Variants in SDK1 observed in about 807,000 individuals in gnomAD.
SDK1 encodes the protein protein sidekick-1.
SDK1 carries 157 observed loss-of-function variants against 245.5 expected under a neutral mutation model. The ratio of observed to expected loss-of-function variants is 0.64; its 90% CI spans 0.56 to 0.73. SDK1 has a LOEUF of 0.73. SDK1 is among the 30% of genes least tolerant of loss of function. The pLI is 0.00. For missense variants in SDK1, 3,583 were observed against 3,002.3 expected (o/e 1.19, Z -4.52); for synonymous variants, 1,647 against 1,278.5 (o/e 1.29, Z -6.15).
intron 5 of SDK1, among the ~76,000 whole-genome samples, chr7:3,827,569 C>G (rs79445769): frequency 6.6e-6 from 1 of 152,188 alleles, no homozygotes; most frequent in East Asian, 1.9e-4. Context: ...GTCTACAAAA[C>G]GAGGTGGGAC....
intron 40 of SDK1, among the ~76,000 whole-genome samples, chr7:4,229,559 T>C (rs1785623230): frequency 6.6e-6 from 1 of 152,144 alleles, no homozygotes; most frequent in Non-Finnish European, 1.5e-5. Flanking sequence ...CTTTAGGTGA[T>C]GGTACAGGAA....
intron 1 of SDK1, among the ~76,000 whole-genome samples, chr7:3,335,445 G>A (rs1211072817): frequency 6.7e-6 from 1 of 149,158 alleles, no homozygotes; most frequent in Admixed American, 6.7e-5. Context: ...CTGTTCCCCA[G>A]TAGACTATAA....
intron 1 of SDK1, among the ~76,000 whole-genome samples, chr7:3,540,051 A>C (rs371860605): frequency 1.3e-5 from 2 of 152,240 alleles, no homozygotes; most frequent in African/African-American, 4.8e-5. Context: ...AGTCACAAAA[A>C]AAACACATAT....
intron 5 of SDK1, among the ~76,000 whole-genome samples, chr7:3,846,071 AC>A (rs1209611446): frequency 1.3e-5 from 2 of 152,188 alleles, no homozygotes; most frequent in Non-Finnish European, 2.9e-5. Flanking sequence ...ACTTGCACAT[AC>A]CAGAAGGAAA....
intron 22 of SDK1, among the ~76,000 whole-genome samples, chr7:4,110,003 A>T (rs1783233290): frequency 6.6e-6 from 1 of 152,092 alleles, no homozygotes; most frequent in Non-Finnish European, 1.5e-5. Flanking sequence ...TCGCCAGCAG[A>T]CCCGGAAAAG....
chr7:3,686,312 G>C (rs940198313), intron 4 of SDK1, among the ~76,000 whole-genome samples: 1 of 152,178 alleles, frequency 6.6e-6, no homozygotes, highest in Non-Finnish European at 1.5e-5. Flanking sequence ...CTGACCTCGG[G>C]TGATCCACCT....
chr7:3,386,263 T>A (rs891074559), intron 1 of SDK1, among the ~76,000 whole-genome samples: 2 of 151,720 alleles, frequency 1.3e-5, no homozygotes, highest in Non-Finnish European at 2.9e-5. Context: ...TTATACTTTA[T>A]CTATTAGAAG....
At chr7:3,880,895 G>C (rs1353820276) in intron 5 of SDK1, among the ~76,000 whole-genome samples, 1 of 152,108 alleles carries the variant, frequency 6.6e-6, no homozygotes, top group Non-Finnish European at 1.5e-5. Context: ...CCCTGGTGAA[G>C]GAAAGGCGAG....
chr7:4,169,119 G>A (rs758346956), intron 32 of SDK1, among the ~76,000 whole-genome samples: 1 of 152,232 alleles, frequency 6.6e-6, no homozygotes, highest in African/African-American at 2.4e-5. Flanking sequence ...GGTCTTGGAA[G>A]TCACTGCCAT....
chr7:4,174,487 A>G, intron 33 of SDK1, 130 bp downstream of exon 33: 1 of 1,076,220 alleles, frequency 9.3e-7, no homozygotes, highest in Non-Finnish European at 1.4e-6. Context: ...TGCCCTCAGG[A>G]ACAGGGAGCA....
intron 1 of SDK1, among the ~76,000 whole-genome samples, chr7:3,528,751 A>G (rs1783238800): frequency 6.6e-6 from 1 of 152,050 alleles, no homozygotes; most frequent in East Asian, 1.9e-4. Flanking sequence ...AGAATGAGGG[A>G]AAGAGGTGAA....
rs529962994 is a variant in SDK1, at chr7:3,839,627, T to C, written c.847+18044T>C. On this transcript the variant is annotated intron_variant, in intron 5 of 44. Transcript: ENST00000404826. The stretch of plus-strand genomic sequence containing the variant: ...ATGCTGAACACTTTTTCAATTTACC[T>C]AGAAGTAATATCCATCCATGAATAT... Among the ~76,000 whole-genome samples, 74 of 152,352 alleles carry C rather than the reference T, an allele frequency of 4.9e-4. 1 individual carries two copies. Among genetic ancestry groups the C allele is most frequent in the East Asian group, 3.9e-4 (2 of 5,190 alleles).
intron 7 of SDK1, among the ~76,000 whole-genome samples, chr7:3,954,896 G>A (rs1781134718): frequency 6.6e-6 from 1 of 151,932 alleles, no homozygotes; most frequent in Non-Finnish European, 1.5e-5. Flanking sequence ...AATCAGTTAT[G>A]TGACACACAT....
chr7:3,402,668 T>C (rs981091026), intron 1 of SDK1, among the ~76,000 whole-genome samples: 1 of 152,162 alleles, frequency 6.6e-6, no homozygotes, highest in Non-Finnish European at 1.5e-5. Flanking sequence ...TTGAGGTGTT[T>C]AAATCAAAAA....
chr7:3,951,095 C>A, intron 6 of SDK1, 61 bp downstream of exon 6: 2 of 1,227,360 alleles, frequency 1.6e-6, no homozygotes, highest in Non-Finnish European at 2.4e-6. Flanking sequence ...GACGAGCCGA[C>A]GATAGAAGGA....
Position 4,193,385 on chromosome 7 carries a change from T to C in SDK1, c.5099-12494T>C, listed in dbSNP as rs1783353768. Among the ~76,000 whole-genome samples, 6 of 136,596 alleles carry C rather than the reference T, an allele frequency of 4.4e-5. No individual in the cohort carries two copies. In the South Asian group the frequency reaches 1.3e-3, roughly 29 times the overall value. The allele number at this position is 136,596 out of a possible 152,430, so 89.6% of individuals were successfully genotyped here. Reference sequence around the variant, plus strand: ...ATATTAAAATATTTATATATATATATATATATATATATAAAGGGGAGTTTA... The same window carrying C: ...ATATTAAAATATTTATATATATATACATATATATATATAAAGGGGAGTTTA... On this transcript the variant is annotated intron_variant, in intron 35 of 44. Coordinates refer to ENST00000404826, the MANE Select transcript of SDK1 (RefSeq NM_152744.4).
chr7:3,780,336 C>G (rs1349279420), intron 4 of SDK1, among the ~76,000 whole-genome samples: 5 of 152,174 alleles, frequency 3.3e-5, no homozygotes, highest in African/African-American at 1.2e-4. Context: ...CTGGTCTCAC[C>G]TCTTAGGAAA....
chr7:3,811,355 T>C (rs1265151146), intron 4 of SDK1, among the ~76,000 whole-genome samples: 1 of 152,152 alleles, frequency 6.6e-6, no homozygotes, highest in Non-Finnish European at 1.5e-5. Context: ...CATGGTGTCA[T>C]TGATGGTGTT....
intron 22 of SDK1, among the ~76,000 whole-genome samples, chr7:4,086,575 G>A (rs1306815410): frequency 1.3e-5 from 2 of 152,134 alleles, no homozygotes; most frequent in Non-Finnish European, 2.9e-5. Context: ...TTCATCTTCA[G>A]AGCAGCCGGG....
Sources: allele counts gnomAD v4.1 joint callset (sites outside exome capture counted in the v4.1 genomes callset), GRCh38; gene constraint gnomAD v4.1.1; transcripts MANE v1.5; gene names NCBI Gene and HGNC (gene_info 2026-07-23, HGNC 2026-07-21).